The following SLC24A1 variants were observed in gnomAD, a reference collection of about 807,000 sequenced individuals.
SLC24A1 encodes the protein solute carrier family 24 member 1.
SLC24A1 carries 52 observed loss-of-function variants against 88.1 expected under a neutral mutation model. The ratio of observed to expected loss-of-function variants is 0.59; its 90% CI spans 0.47 to 0.74. The LOEUF is 0.74. SLC24A1 is among the 30% of genes least tolerant of loss of function. The pLI, the probability that SLC24A1 is intolerant of heterozygous loss-of-function variation, is 0.00. For synonymous variants in SLC24A1, 455 were observed against 498.0 expected (o/e 0.91, Z 1.15); for missense variants, 1,173 against 1,363.3 (o/e 0.86, Z 2.20).
At position 65,650,930 on chromosome 15, in the gene SLC24A1, C is replaced by A. The variant is rs765307800; in HGVS notation, c.2781C>A (p.Asp927Glu). Reference sequence around the variant, plus strand: ...TCCCACTGTGGCTGACAGTCCCCGACGTCCGAAGGCAGGTGAGTGTGCCCA... The same window carrying A: ...TCCCACTGTGGCTGACAGTCCCCGAAGTCCGAAGGCAGGTGAGTGTGCCCA... The part of the protein sequence containing the change: ...IVFPLWLTVP[D>E]VRRQESRKFF... The change falls in exon 7 of 10, where the codon GAC (aspartate) becomes GAA (glutamate). Residue 927 changes from aspartate (D) to glutamate (E), a missense_variant. Asp to Glu is a conservative substitution (Grantham distance 45). Coordinates refer to ENST00000261892, the MANE Select transcript of SLC24A1 (RefSeq NM_004727.3). The surrounding 1 kb of genome is among the most constrained non-coding windows in gnomAD (Gnocchi z 4.1). 1.2e-6 allele frequency: 2 copies of A among 1,613,874 alleles called. No individual in the cohort carries two copies. Among genetic ancestry groups the A allele is most frequent in the Non-Finnish European group, 1.7e-6 (2 of 1,179,810 alleles).
At position 65,654,849 on chromosome 15, in the gene SLC24A1, C is replaced by T. The variant is rs1057448255; in HGVS notation, c.*770C>T. On this transcript the variant is annotated 3_prime_UTR_variant, in exon 10 of 10. Coordinates refer to ENST00000261892, the MANE Select transcript of SLC24A1 (RefSeq NM_004727.3). The stretch of plus-strand genomic sequence containing the variant: ...GCCTGAAGTCGTGATCTGCCCGCCT[C>T]GGCCTCCCAAAGTGCTGGGATTACA... 2.3e-5 allele frequency: 25 copies of T among 1,082,470 alleles called. No homozygotes were observed. The highest frequency in any genetic ancestry group is 2.0e-4 in the Admixed American group (6 of 30,250). 67.1% of individuals were successfully genotyped at this position (1,082,470 alleles called of 1,614,324 possible). A position where few individuals can be genotyped will look rare whatever the true frequency, so the allele number is the denominator to read the frequency against.
Position 65,624,469 on chromosome 15 carries a change from A to AC in SLC24A1, c.390dup (p.Ser131GlnfsTer19). The AC allele has an allele frequency of 1.2e-6, 2 of 1,609,546 alleles. No homozygotes were observed. The highest frequency in any genetic ancestry group is 1.7e-6 in the Non-Finnish European group (2 of 1,177,730). ...ATCCCAACAACAACCAAGAATAATT[A>AC]CAGCCCAACAGCAGCAGGTACAGAA... On this transcript the variant is annotated frameshift_variant, in exon 2 of 10. Coordinates refer to ENST00000261892, the MANE Select transcript of SLC24A1 (RefSeq NM_004727.3). LOFTEE classifies it high-confidence loss of function.
chr15:65,660,414 A>G (rs2141789067), downstream of SLC24A1: 1 of 955,332 alleles, frequency 1.0e-6, no homozygotes, highest in East Asian at 2.6e-5. Flanking sequence ...CGTGGACTCT[A>G]CTGGCTTTAT....
chr15:65,623,960 TG>T lies in SLC24A1; in HGVS notation c.-119del. 1.2e-6 allele frequency: 1 copy of T among 834,792 alleles called. No individual in the cohort carries two copies. The highest frequency in any genetic ancestry group is 1.9e-6 in the Non-Finnish European group (1 of 521,276). 51.7% of individuals were successfully genotyped at this position (834,792 alleles called of 1,614,324 possible). A position where few individuals can be genotyped will look rare whatever the true frequency, so the allele number is the denominator to read the frequency against. On this transcript the variant is annotated 5_prime_UTR_variant, in exon 2 of 10. The change creates a premature stop within an existing upstream ORF in the 5' untranslated region. Coordinates refer to ENST00000261892, the MANE Select transcript of SLC24A1 (RefSeq NM_004727.3). ...TCTTTTTTTTACCCACCTAGGGTTG[TG>T]GATACCCCCTGGCTGGGCTTCATGG... is the stretch of plus-strand genomic sequence containing the variant.
intron 4 of SLC24A1, among the ~76,000 whole-genome samples, chr15:65,641,175 G>A (rs2075115224): frequency 6.6e-6 from 1 of 152,040 alleles, no homozygotes; most frequent in South Asian, 2.1e-4. Context: ...GAAATCGAGA[G>A]CATCCTGGGC....
At chr15:65,629,243 C>T (rs571159204) in intron 2 of SLC24A1, among the ~76,000 whole-genome samples, 14 of 152,066 alleles carry the variant, frequency 9.2e-5, no homozygotes, top group African/African-American at 1.7e-4. Flanking sequence ...TTCACTTTAC[C>T]GTTTATTCTG....
chr15:65,657,303 G>T (rs559279603), downstream of SLC24A1, among the ~76,000 whole-genome samples: 2 of 152,258 alleles, frequency 1.3e-5, no homozygotes, highest in East Asian at 3.9e-4. Flanking sequence ...AGTACCAAAG[G>T]GGGCAGGAAT....
chr15:65,640,796 C>T (rs1407491127), intron 4 of SLC24A1, among the ~76,000 whole-genome samples: 4 of 152,136 alleles, frequency 2.6e-5, no homozygotes, highest in African/African-American at 4.8e-5. Flanking sequence ...TGGTGGCTCA[C>T]GCCTGTAATC....
At chr15:65,638,919 A>C (rs770827867) in intron 3 of SLC24A1, among the ~76,000 whole-genome samples, 5 of 152,194 alleles carry the variant, frequency 3.3e-5, no homozygotes, top group Non-Finnish European at 7.3e-5. Context: ...TATATGTGTC[A>C]CTATGAATAA....
At chr15:65,619,281 A>C (rs989588620), upstream of SLC24A1, among the ~76,000 whole-genome samples, 2 of 152,188 alleles carry the variant, frequency 1.3e-5, no homozygotes, top group African/African-American at 4.8e-5. Context: ...CTTGCTCCTC[A>C]TCAGACTTGT....
chr15:65,636,681 GC>G (rs562712697), intron 2 of SLC24A1, among the ~76,000 whole-genome samples: 1 of 151,962 alleles, frequency 6.6e-6, no homozygotes, highest in South Asian at 2.1e-4. Flanking sequence ...TTCGAGACCA[GC>G]CTGGCCAACA....
chr15:65,616,078 A>G (rs1032648493), intron 2 of SLC24A1, among the ~76,000 whole-genome samples: 6 of 152,192 alleles, frequency 3.9e-5, no homozygotes, highest in Non-Finnish European at 8.8e-5. Context: ...TTATGGCTGC[A>G]TAGTATTCCA....
chr15:65,647,469 C>A (rs1357190863), intron 6 of SLC24A1, among the ~76,000 whole-genome samples: 1 of 107,372 alleles, frequency 9.3e-6, no homozygotes, highest in Non-Finnish European at 1.7e-5. Flanking sequence ...CAGAGAGAGA[C>A]TGTCTCAAAA....
At chr15:65,657,613 C>T (rs2075728526), downstream of SLC24A1, among the ~76,000 whole-genome samples, 1 of 152,188 alleles carries the variant, frequency 6.6e-6, no homozygotes, top group Non-Finnish European at 1.5e-5. Context: ...CACTGCACTC[C>T]AGCCTGGGCA....
chr15:65,624,714 C>T lies in SLC24A1; in HGVS notation c.634C>T (p.His212Tyr). 1 of 1,611,020 alleles carries T rather than the reference C, an allele frequency of 6.2e-7. No individual in the cohort carries two copies. Among genetic ancestry groups the T allele is most frequent in the Non-Finnish European group, 8.5e-7 (1 of 1,178,422 alleles). Residue 212 changes from histidine to tyrosine, a missense_variant, in exon 2 of 10, where the codon CAT becomes TAT. Coordinates refer to ENST00000261892, the MANE Select transcript of SLC24A1 (RefSeq NM_004727.3). ...PSTFMTMETS[H>Y]AITPRTTVKD... Reference sequence around the variant, plus strand: ...CACATTCATGACAATGGAAACAAGCCATGCGATCACCCCCAGGACAACAGT... The same window carrying T: ...CACATTCATGACAATGGAAACAAGCTATGCGATCACCCCCAGGACAACAGT...
upstream of SLC24A1, among the ~76,000 whole-genome samples, chr15:65,619,426 A>G (rs1173788349): frequency 1.3e-5 from 2 of 152,180 alleles, no homozygotes; most frequent in African/African-American, 4.8e-5. Context: ...CTGTCCAGAC[A>G]TAGCCCCCAG....
In SLC24A1 at chr15:65,654,848, T is replaced by G; in HGVS notation, c.*769T>G. The stretch of plus-strand genomic sequence containing the variant: ...AGCCTGAAGTCGTGATCTGCCCGCC[T>G]CGGCCTCCCAAAGTGCTGGGATTAC... On this transcript the variant is annotated 3_prime_UTR_variant, in exon 10 of 10. Transcript: ENST00000261892. The G allele has an allele frequency of 2.8e-6, 3 of 1,087,848 alleles. No individual in the cohort carries two copies. The highest frequency in any genetic ancestry group is 2.4e-6 in the Non-Finnish European group (2 of 843,568). 67.4% of individuals were successfully genotyped at this position (1,087,848 alleles called of 1,614,324 possible).
upstream of SLC24A1, among the ~76,000 whole-genome samples, chr15:65,618,542 C>T (rs2074222364): frequency 6.6e-6 from 1 of 152,134 alleles, no homozygotes. Context: ...GATGGGAAGC[C>T]ACTGGAAATT....
chr15:65,631,998 A>C (rs937253338), intron 2 of SLC24A1, among the ~76,000 whole-genome samples: 1 of 151,962 alleles, frequency 6.6e-6, no homozygotes, highest in African/African-American at 2.4e-5. Flanking sequence ...CACCCAGCTA[A>C]TTTTTGTATT....
Sources: gnomAD v4.1 joint callset for allele counts (sites outside exome capture counted in the v4.1 genomes callset) on GRCh38, gnomAD v4.1.1 for gene constraint, Gnocchi (gnomAD v3.1) non-coding constraint, MANE v1.5 for transcripts, NCBI Gene and HGNC (gene_info 2026-07-23, HGNC 2026-07-21) for gene names.